The following DDX11 variants were observed in gnomAD, a reference collection of about 807,000 sequenced individuals.
The protein encoded by DDX11 is ATP-dependent DNA helicase DDX11.
A neutral mutation model predicts 125.2 loss-of-function variants in DDX11; 72 were observed. That is an observed-to-expected ratio of 0.58 (90% CI 0.48 to 0.70). The LOEUF (loss-of-function observed/expected upper bound fraction) is 0.70, where lower values mean the gene tolerates loss of function less well. Ranked by LOEUF, DDX11 falls within the 30% of genes least tolerant of loss-of-function variation. The probability of loss-of-function intolerance (pLI) is 0.00; values close to 1 mark genes in which losing one functional copy is unlikely to be tolerated. For synonymous variants in DDX11, 347 were observed against 452.6 expected (o/e 0.77, Z 2.96); for missense variants, 883 against 1,165.0 (o/e 0.76, Z 3.52).
Position 31,103,829 on chromosome 12 carries a change from C to T in DDX11, c.2714C>T (p.Ser905Phe). 6.2e-7 allele frequency: 1 copy of T among 1,613,964 alleles called. No individual in the cohort carries two copies. Among genetic ancestry groups the T allele is most frequent in the Admixed American group, 1.7e-5 (1 of 60,020 alleles). Residue 905 changes from serine to phenylalanine, a missense_variant, in exon 27 of 27, where the codon TCT becomes TTT. Physicochemically the swap from Ser to Phe is radical, Grantham distance 155. This residue lies in a region of DDX11 where 285 missense variants were observed against 346.0 expected (regional missense o/e 0.82). Coordinates refer to ENST00000542838, the MANE Select transcript of DDX11 (RefSeq NM_030653.4). Reference protein sequence around the residue: ...VQKFHREKSASS With the variant: ...VQKFHREKSAFS ...CAGTTTCACCGGGAGAAGTCGGCCTCTTCCTGATGGGCAACCACACCACTG... is the reference window on the plus strand; with the variant it reads ...CAGTTTCACCGGGAGAAGTCGGCCTTTTCCTGATGGGCAACCACACCACTG...
intron 3 of DDX11, 86 bp downstream of exon 3, chr12:31,084,147 G>A: frequency 6.4e-7 from 1 of 1,560,112 alleles, no homozygotes; most frequent in East Asian, 2.3e-5. Context: ...GACTCAGGCA[G>A]TGCATGCTCC....
Position 31,096,901 on chromosome 12 carries a change from G to A in DDX11, c.1673G>A (p.Arg558Gln), listed in dbSNP as rs745784326. 22 of 1,614,036 alleles carry A rather than the reference G, an allele frequency of 1.4e-5. No individual in the cohort carries two copies. The highest frequency in any genetic ancestry group is 1.9e-5 in the Non-Finnish European group (22 of 1,180,048). Residue 558 changes from arginine to glutamine, a missense_variant, in exon 17 of 27, where the codon CGA becomes CAA. Physicochemically the swap from Arg to Gln is conservative, Grantham distance 43. Transcript: ENST00000542838. ...GACGAGAGTCAGGCCAGCACCCTGC[G>A]ACCAGCTTCTCCACTGATGCACATC... ...PADESQASTL[R>Q]PASPLMHIQG...
At chr12:31,097,305 G>C (rs2140935834) in intron 17 of DDX11, among the ~76,000 whole-genome samples, 1 of 152,200 alleles carries the variant, frequency 6.6e-6, no homozygotes, top group Non-Finnish European at 1.5e-5. Flanking sequence ...GGTGGGCTTT[G>C]GTTTGGGTCA....
At chr12:31,084,769 A>C (rs1592632871) in intron 4 of DDX11, 100 bp downstream of exon 4, 5 of 1,159,582 alleles carry the variant, frequency 4.3e-6, no homozygotes, top group East Asian at 2.6e-5. Context: ...CCCCTCCGTG[A>C]CCCTCACTGG....
intron 5 of DDX11, 138 bp from the exon 6 acceptor site, chr12:31,087,800 G>A: frequency 6.9e-7 from 1 of 1,458,724 alleles, no homozygotes; most frequent in Non-Finnish European, 9.3e-7. Flanking sequence ...GAGTTTCTGA[G>A]CGAGCAGCAC....
intron 14 of DDX11, among the ~76,000 whole-genome samples, chr12:31,095,817 T>C (rs201668562): frequency 4.3e-4 from 62 of 144,272 alleles, no homozygotes; most frequent in South Asian, 2.3e-3. Context: ...GTCTCATCAC[T>C]CACCATTGAG....
intron 18 of DDX11, among the ~76,000 whole-genome samples, chr12:31,099,080 C>CTTTTTTT (rs1467965765): frequency 0.012 from 943 of 80,838 alleles, 105 homozygotes; most frequent in Non-Finnish European, 0.014. Flanking sequence ...TTCTTTCTTT[C>CTTTTTTT]TTTCTTTTTT....
intron 14 of DDX11, 151 bp from the exon 15 acceptor site, chr12:31,096,190 C>G: frequency 1.1e-6 from 1 of 922,654 alleles, no homozygotes; most frequent in South Asian, 1.5e-5. Context: ...GAGGAGATGA[C>G]AAGGTTGGTG....
chr12:31,078,927 T>C (rs138681717), intron 2 of DDX11, among the ~76,000 whole-genome samples: 2,410 of 152,260 alleles, frequency 0.016, 63 homozygotes, highest in African/African-American at 0.055. Flanking sequence ...GACCTCGTGA[T>C]CCGCCCGCTT....
At chr12:31,087,215 T>G (rs937523542) in intron 5 of DDX11, among the ~76,000 whole-genome samples, 1 of 146,652 alleles carries the variant, frequency 6.8e-6, no homozygotes, top group African/African-American at 2.6e-5. Flanking sequence ...GAGTTGTAGC[T>G]GGTCATAAGT....
At chr12:31,086,475 C>A (rs1249345528) in intron 5 of DDX11, among the ~76,000 whole-genome samples, 6 of 151,882 alleles carry the variant, frequency 4.0e-5, no homozygotes, top group Non-Finnish European at 8.8e-5. Flanking sequence ...ACTTCGACTT[C>A]TGCCCCTGCC....
intron 1 of DDX11, among the ~76,000 whole-genome samples, chr12:31,075,742 C>T (rs1940610119): frequency 6.6e-6 from 1 of 152,204 alleles, no homozygotes; most frequent in Non-Finnish European, 1.5e-5. Flanking sequence ...GTCGAAGCAC[C>T]TAGTTCTGAG....
chr12:31,103,328 C>T lies in DDX11; in HGVS notation c.2469C>T (p.Pro823=), dbSNP rs748643699. Residue 823 remains proline (P), a synonymous_variant, in exon 25 of 27, where the codon CCC becomes CCT. Transcript: ENST00000542838. ...AYLDQTLPRA[P]GQAPPGKALV... Reference sequence around the variant, plus strand: ...CCCTTCACTCCCAGCCCAGAGCCCCCGGCCAGGCACCCCCAGGGAAGGCTC... The same window carrying T: ...CCCTTCACTCCCAGCCCAGAGCCCCTGGCCAGGCACCCCCAGGGAAGGCTC... The T allele has an allele frequency of 3.5e-5, 57 of 1,610,838 alleles. 1 individual carries two copies. In the South Asian group the frequency reaches 3.8e-4, roughly 11 times the overall value.
At chr12:31,080,763 G>A (rs1941751712) in intron 2 of DDX11, among the ~76,000 whole-genome samples, 1 of 152,070 alleles carries the variant, frequency 6.6e-6, no homozygotes, top group Non-Finnish European at 1.5e-5. Context: ...TTTAATTTTA[G>A]AGACAGGGTG....
At chr12:31,075,927 G>C (rs1179001402) in intron 1 of DDX11, among the ~76,000 whole-genome samples, 1 of 152,070 alleles carries the variant, frequency 6.6e-6, no homozygotes, top group Non-Finnish European at 1.5e-5. Flanking sequence ...AGGAGTGGGG[G>C]TGGTGTTTGA....
intron 2 of DDX11, among the ~76,000 whole-genome samples, chr12:31,081,123 C>T (rs1281677183): frequency 2.0e-5 from 3 of 152,212 alleles, no homozygotes; most frequent in African/African-American, 7.2e-5. Context: ...CTCCAGGCTT[C>T]TGCGTCTTCT....
Position 31,101,939 on chromosome 12 carries a change from G to A in DDX11, c.2159G>A (p.Trp720Ter). The part of the protein sequence containing the change: ...YEYLRQVHAH[W>*]EKGGLLGRLA... ...TACCTGCGCCAGGTCCATGCCCACT[G>A]GGAGAAGGGTGGCCTGCTGGGCCGT... The change falls in exon 21 of 27, where the codon TGG (tryptophan) becomes TAG (stop). Residue 720 changes from tryptophan (W) to a stop codon, truncating the protein, a stop_gained. Transcript: ENST00000542838. LOFTEE classifies it high-confidence loss of function. The A allele has an allele frequency of 6.2e-7, 1 of 1,613,692 alleles. No individual in the cohort carries two copies. The highest frequency in any genetic ancestry group is 1.3e-5 in the African/African-American group (1 of 75,032).
At chr12:31,075,469 G>C (rs1020001477) in intron 1 of DDX11, among the ~76,000 whole-genome samples, 77 of 151,986 alleles carry the variant, frequency 5.1e-4, no homozygotes, top group African/African-American at 1.8e-3. Context: ...CACTTGCTGA[G>C]TGACCTTGGG....
Position 31,101,144 on chromosome 12 carries a change from A to C in DDX11, c.2052+14A>C, listed in dbSNP as rs376701274. The stretch of plus-strand genomic sequence containing the variant: ...CTGCCTCAGATGGTCAGTCCCAGCC[A>C]GCTCGCCGCACCACAGCCTGGCCTC... On this transcript the variant is annotated intron_variant, in intron 20 of 26. Coordinates refer to ENST00000542838, the MANE Select transcript of DDX11 (RefSeq NM_030653.4). 9.8e-5 allele frequency: 158 copies of C among 1,611,060 alleles called. No individual in the cohort carries two copies. Among genetic ancestry groups the C allele is most frequent in the Non-Finnish European group, 1.2e-4 (146 of 1,177,344 alleles).
Sources: gnomAD v4.1 joint callset for allele counts (sites outside exome capture counted in the v4.1 genomes callset) on GRCh38, gnomAD v4.1.1 for gene constraint, gnomAD v4.1.1 regional missense constraint, MANE v1.5 for transcripts, NCBI Gene and HGNC (gene_info 2026-07-23, HGNC 2026-07-21) for gene names.